Variants in GFRAL observed in about 807,000 individuals in gnomAD.
GFRAL encodes GDNF family receptor alpha like, also known as GDNF family receptor alpha-like.
GFRAL carries 36 observed loss-of-function variants against 45.4 expected under a neutral mutation model. The observed-to-expected ratio is 0.79, with a 90% CI of 0.61 to 1.05. The LOEUF (loss-of-function observed/expected upper bound fraction) is 1.05. Among genes scored for constraint, GFRAL ranks in the 50% least tolerant of loss-of-function variants. The pLI, the probability that GFRAL is intolerant of heterozygous loss-of-function variation, is 0.00. For missense variants in GFRAL, 507 were observed against 467.5 expected, an observed-to-expected ratio of 1.08 and a Z score of -0.78; for synonymous variants, 166 against 154.1, an observed-to-expected ratio of 1.08 and a Z score of -0.57.
chr6:55,344,639 G>A lies in GFRAL; in HGVS notation c.317-5453G>A, dbSNP rs555866667. Among the ~76,000 whole-genome samples the A allele has an allele frequency of 1.6e-4, 25 of 152,272 alleles. No homozygotes were observed. In the South Asian group the frequency reaches 5.0e-3, roughly 30 times the overall value. ...CCTTTGAAAACTGGCACAAGACAGG[G>A]ATGCCCTCTCTCACCACTCCTATTC... On this transcript the variant is annotated intron_variant, in intron 3 of 8. Transcript: ENST00000340465.
At chr6:55,390,895 T>TACACACACACACAC (rs34769114) in intron 6 of GFRAL, among the ~76,000 whole-genome samples, 39 of 135,614 alleles carry the variant, frequency 2.9e-4, no homozygotes, top group African/African-American at 1.1e-3. Context: ...CTCACACACA[T>TACACACACACACAC]ACACACACAC....
chr6:55,395,440 G>A (rs998579737), intron 6 of GFRAL, among the ~76,000 whole-genome samples: 3 of 151,408 alleles, frequency 2.0e-5, no homozygotes, highest in East Asian at 1.9e-4. Flanking sequence ...AACTTGCCTA[G>A]TGCTTGTGTA....
At chr6:55,355,316 C>T (rs549858458) in intron 5 of GFRAL, among the ~76,000 whole-genome samples, 1 of 151,918 alleles carries the variant, frequency 6.6e-6, no homozygotes, top group African/African-American at 2.4e-5. Flanking sequence ...AATAAACCTG[C>T]ACGTTCTGCA....
chr6:55,369,500 T>G (rs1249222632), intron 6 of GFRAL, among the ~76,000 whole-genome samples: 1 of 152,230 alleles, frequency 6.6e-6, no homozygotes, highest in Non-Finnish European at 1.5e-5. Context: ...ATATCATATC[T>G]TATAGTAGAG....
At chr6:55,400,855 C>T (rs1285715283) in intron 8 of GFRAL, among the ~76,000 whole-genome samples, 1 of 151,914 alleles carries the variant, frequency 6.6e-6, no homozygotes, top group Non-Finnish European at 1.5e-5. Flanking sequence ...CCATGACAAA[C>T]ATTGTTACAA....
intron 6 of GFRAL, among the ~76,000 whole-genome samples, chr6:55,374,803 T>G (rs1177424168): frequency 6.6e-6 from 1 of 152,068 alleles, no homozygotes; most frequent in East Asian, 1.9e-4. Context: ...TTTCTGTATA[T>G]GGTGTAAGGA....
intron 6 of GFRAL, among the ~76,000 whole-genome samples, chr6:55,378,516 A>G (rs1410255994): frequency 1.3e-5 from 2 of 151,872 alleles, no homozygotes; most frequent in Admixed American, 6.6e-5. Flanking sequence ...CCTTGCCACC[A>G]TAGCTACATT....
In GFRAL at chr6:55,351,023, T is replaced by C. The variant is rs528506776; in HGVS notation, c.371-230T>C. Among the ~76,000 whole-genome samples the C allele has an allele frequency of 2.6e-5, 4 of 152,204 alleles. No individual in the cohort carries two copies. In the South Asian group the frequency reaches 8.3e-4, roughly 32 times the overall value. On this transcript the variant is annotated intron_variant, in intron 4 of 8. Transcript: ENST00000340465. ...CAATTTTGGCCCAGCACGCTTCCCA[T>C]CACTCTAGATCACAATGTGTATCCT... is the stretch of plus-strand genomic sequence containing the variant.
chr6:55,345,641 C>T (rs1477301266), intron 3 of GFRAL, among the ~76,000 whole-genome samples: 2 of 152,146 alleles, frequency 1.3e-5, no homozygotes, highest in African/African-American at 4.8e-5. Flanking sequence ...CGGGCAAGGA[C>T]TTCATGTCTA....
At chr6:55,353,840 A>C (rs1029337868) in intron 5 of GFRAL, among the ~76,000 whole-genome samples, 2 of 152,100 alleles carry the variant, frequency 1.3e-5, no homozygotes, top group African/African-American at 4.8e-5. Flanking sequence ...AATCAATGAA[A>C]TATGAAATCA....
chr6:55,350,247 A>G, intron 4 of GFRAL, 102 bp downstream of exon 4: 1 of 696,768 alleles, frequency 1.4e-6, no homozygotes, highest in Non-Finnish European at 2.5e-6. Flanking sequence ...AGAACAAATC[A>G]TGTGGTTTAA....
intron 3 of GFRAL, among the ~76,000 whole-genome samples, chr6:55,348,113 T>A (rs1201197189): frequency 6.6e-6 from 1 of 152,098 alleles, no homozygotes; most frequent in Non-Finnish European, 1.5e-5. Flanking sequence ...ATGAACTGTA[T>A]AGGATTTTAT....
intron 1 of GFRAL, among the ~76,000 whole-genome samples, chr6:55,328,328 G>A (rs1355334393): frequency 1.3e-5 from 2 of 151,872 alleles, no homozygotes; most frequent in East Asian, 1.9e-4. Flanking sequence ...AATTGTAACT[G>A]TAGCTAGATT....
chr6:55,352,584 T>C (rs1209684049), intron 5 of GFRAL, among the ~76,000 whole-genome samples: 2 of 152,108 alleles, frequency 1.3e-5, no homozygotes, highest in Non-Finnish European at 2.9e-5. Context: ...TGGAAGAGTA[T>C]GCTTGTTTAT....
intron 6 of GFRAL, among the ~76,000 whole-genome samples, chr6:55,362,541 C>T (rs927040456): frequency 6.6e-6 from 1 of 151,968 alleles, no homozygotes; most frequent in Non-Finnish European, 1.5e-5. Flanking sequence ...CTGTGATAAT[C>T]TGTAGCACAG....
At chr6:55,348,947 T>C (rs916648839) in intron 3 of GFRAL, among the ~76,000 whole-genome samples, 10 of 152,100 alleles carry the variant, frequency 6.6e-5, no homozygotes, top group African/African-American at 2.4e-4. Context: ...CAGCCTAGAC[T>C]TTTGTACCTG....
At chr6:55,366,309 C>G (rs943794721) in intron 6 of GFRAL, among the ~76,000 whole-genome samples, 3 of 151,942 alleles carry the variant, frequency 2.0e-5, no homozygotes, top group African/African-American at 4.8e-5. Flanking sequence ...TTTTTTATTG[C>G]ATCTATTTGA....
chr6:55,348,617 C>T (rs1442965648), intron 3 of GFRAL, among the ~76,000 whole-genome samples: 1 of 152,036 alleles, frequency 6.6e-6, no homozygotes, highest in Non-Finnish European at 1.5e-5. Flanking sequence ...TTCTCAGGAC[C>T]TTTCTTCAGT....
At chr6:55,334,191 A>G (rs566289322) in intron 3 of GFRAL, among the ~76,000 whole-genome samples, 1 of 152,298 alleles carries the variant, frequency 6.6e-6, no homozygotes, top group East Asian at 1.9e-4. Flanking sequence ...TAAGTGCACG[A>G]CATACTTCTT....
Sources: gnomAD v4.1 joint callset for allele counts (sites outside exome capture counted in the v4.1 genomes callset) on GRCh38, gnomAD v4.1.1 for gene constraint, MANE v1.5 for transcripts, NCBI Gene and HGNC (gene_info 2026-07-23, HGNC 2026-07-21) for gene names.